CYP2R1: variants seen among roughly 807,000 people sequenced by gnomAD.
CYP2R1 encodes vitamin D 25-hydroxylase.
A neutral mutation model predicts 45.7 loss-of-function variants in CYP2R1; 40 were observed. That is an observed-to-expected ratio of 0.87 (90% CI 0.68 to 1.14). The LOEUF (loss-of-function observed/expected upper bound fraction) is 1.14. CYP2R1 is among the 50% of genes most tolerant of loss of function. The pLI is 0.00. For missense variants in CYP2R1, 605 were observed against 602.6 expected, an observed-to-expected ratio of 1.00 and a Z score of -0.04; for synonymous variants, 234 against 219.3, an observed-to-expected ratio of 1.07 and a Z score of -0.59.
rs782256827 is a variant in CYP2R1, at chr11:14,878,193, G to C, written c.1435C>G (p.Pro479Ala). 3 of 1,613,254 alleles carry C rather than the reference G, an allele frequency of 1.9e-6. No individual in the cohort carries two copies. The Admixed American group carries it at 5.0e-5, about 27-fold the overall frequency. The part of the protein sequence containing the change: ...FHLHFPHELV[P>A]DLKPRLGMTL... ...ATGCCTAACCTGGGCTTCAGATCTG[G>C]AACTAGTTCATGTGGAAAATGCAAA... The change falls in exon 5 of 5, where the codon CCA becomes GCA. Residue 479 changes from proline (P) to alanine (A), a missense_variant. Physicochemically the swap from Pro to Ala is conservative, Grantham distance 27. Transcript: ENST00000334636.
At chr11:14,889,844 A>G (rs1331961378) in intron 1 of CYP2R1, among the ~76,000 whole-genome samples, 1 of 152,136 alleles carries the variant, frequency 6.6e-6, no homozygotes, top group Non-Finnish European at 1.5e-5. Context: ...AACTAATAAC[A>G]TAGGCCGGGC....
In CYP2R1 at chr11:14,887,317, G is replaced by T. The variant is rs1459694490; in HGVS notation, c.226-1400C>A. On this transcript the variant is annotated intron_variant, in intron 1 of 4. Transcript: ENST00000334636. ...ACCAGGGATCATAAAAAGCAAGGAG[G>T]AGCCATGGCTTGAGAAAGTTGTTAC... 36 of 152,210 alleles carry T rather than the reference G, an allele frequency of 2.4e-4. 1 individual carries two copies. The allele number at this position is 152,210 out of a possible 1,614,324, so 9.4% of individuals were successfully genotyped here. A position where few individuals can be genotyped will look rare whatever the true frequency, so the allele number is the denominator to read the frequency against.
chr11:14,883,980 G>C (rs1269291220), intron 2 of CYP2R1, among the ~76,000 whole-genome samples: 2 of 152,030 alleles, frequency 1.3e-5, no homozygotes, highest in Admixed American at 6.5e-5. Context: ...ACCATAATGA[G>C]ATACCATCTC....
upstream of CYP2R1, among the ~76,000 whole-genome samples, chr11:14,892,404 G>C (rs782380208): frequency 2.0e-5 from 3 of 152,208 alleles, no homozygotes; most frequent in South Asian, 2.1e-4. Context: ...TTTGCGGAGC[G>C]GGTGGCCGGT....
intron 1 of CYP2R1, among the ~76,000 whole-genome samples, chr11:14,889,937 C>T (rs1365570485): frequency 6.6e-6 from 1 of 151,890 alleles, no homozygotes. Context: ...GACCATCCTG[C>T]CTAACCGAGT....
At chr11:14,890,539 T>C (rs1848801209) in intron 1 of CYP2R1, 1 of 268,670 alleles carries the variant, frequency 3.7e-6, no homozygotes, top group Non-Finnish European at 5.1e-6. Flanking sequence ...GACCAATTCT[T>C]TTTTTTTTTT....
At chr11:14,886,260 C>A (rs1170129707) in intron 1 of CYP2R1, 5 of 218,480 alleles carry the variant, frequency 2.3e-5, no homozygotes, top group Admixed American at 5.2e-5. Flanking sequence ...TTCAGTATTG[C>A]CATAGAAAAT....
chr11:14,880,375 T>C lies in CYP2R1; in HGVS notation c.761A>G (p.Tyr254Cys). Residue 254 changes from tyrosine (Y) to cysteine (C), a missense_variant, in exon 3 of 5, where the codon TAT becomes TGT. Transcript: ENST00000334636. ...TTCAATGAGTCTGGAGAGAAAATCA[T>C]AGACTACAGCTGCATTTCTAAACAG... ...QQLFRNAAVV[Y>C]DFLSRLIEKA... 2.5e-6 allele frequency: 4 copies of C among 1,613,390 alleles called. No homozygotes were observed. The highest frequency in any genetic ancestry group is 2.5e-6 in the Non-Finnish European group (3 of 1,179,636).
chr11:14,891,228 A>G (rs1555016747), intron 1 of CYP2R1: 3 of 985,112 alleles, frequency 3.0e-6, no homozygotes, highest in Non-Finnish European at 3.6e-6. Flanking sequence ...CAGAATGAGG[A>G]GGAGCGAAGT....
chr11:14,889,408 A>C (rs1555015855), intron 1 of CYP2R1, among the ~76,000 whole-genome samples: 1 of 152,222 alleles, frequency 6.6e-6, no homozygotes, highest in African/African-American at 2.4e-5. Flanking sequence ...ATACCAGGAT[A>C]AAGATCAAAT....
rs782688301 is a variant in CYP2R1, at chr11:14,880,640, T to G, written c.496A>C (p.Asn166His). 7 of 1,598,444 alleles carry G rather than the reference T, an allele frequency of 4.4e-6. No homozygotes were observed. The highest frequency in any genetic ancestry group is 1.1e-5 in the South Asian group (1 of 87,992). Reference sequence around the variant, plus strand: ...CCTTTGTATGTTTCAATAGCATCATTGAAAAATTTGGTTTCTTCCAAGATT... The same window carrying G: ...CCTTTGTATGTTTCAATAGCATCATGGAAAAATTTGGTTTCTTCCAAGATT... Reference protein sequence around the residue: ...SKILEETKFFNDAIETYKGRP... With the variant: ...SKILEETKFFHDAIETYKGRP... The change falls in exon 3 of 5, where the codon AAT (asparagine) becomes CAT (histidine). Residue 166 changes from asparagine (N) to histidine (H), a missense_variant. By Grantham distance (68) the Asn-to-His change is moderately conservative. Coordinates refer to ENST00000334636, the MANE Select transcript of CYP2R1 (RefSeq NM_024514.5).
intron 1 of CYP2R1, chr11:14,886,154 TGAAAAGGGTACTG>T: frequency 1.9e-6 from 1 of 527,126 alleles, no homozygotes. Flanking sequence ...AACAGTATAA[TGAAAAGGGTACTG>T]GACTCGGGAG....
At chr11:14,880,052 T>C in intron 3 of CYP2R1, 84 bp downstream of exon 3, 3 of 1,399,344 alleles carry the variant, frequency 2.1e-6, no homozygotes, top group South Asian at 1.3e-5. Flanking sequence ...CTAAAGAAAA[T>C]GTATTGTGCA....
intron 3 of CYP2R1, 145 bp from the exon 4 acceptor site, chr11:14,879,588 C>T (rs886151512): frequency 1.1e-5 from 7 of 625,698 alleles, no homozygotes; most frequent in Admixed American, 2.8e-5. Flanking sequence ...ATTATCTGGG[C>T]GTTCTATTGA....
intron 1 of CYP2R1, 49 bp downstream of exon 1, chr11:14,891,932 C>A: frequency 1.3e-6 from 2 of 1,592,992 alleles, no homozygotes; most frequent in Non-Finnish European, 1.7e-6. Context: ...CCTGGCCAGC[C>A]CGGGCCAGCC....
chr11:14,884,012 A>G (rs1590221617), intron 2 of CYP2R1, among the ~76,000 whole-genome samples: 1 of 152,078 alleles, frequency 6.6e-6, no homozygotes, highest in Non-Finnish European at 1.5e-5. Flanking sequence ...AATGGCAATC[A>G]TTAAAAAGTC....
At chr11:14,879,093 G>A (rs373958515) in intron 4 of CYP2R1, 21 bp downstream of exon 4, 36 of 1,569,422 alleles carry the variant, frequency 2.3e-5, no homozygotes, top group African/African-American at 2.7e-5. Flanking sequence ...CTAAAGTTAC[G>A]CCCCGTGAAA....
chr11:14,883,949 A>G (rs1362873222), intron 2 of CYP2R1, among the ~76,000 whole-genome samples: 1 of 152,080 alleles, frequency 6.6e-6, no homozygotes, highest in Non-Finnish European at 1.5e-5. Flanking sequence ...ATCACTGGCC[A>G]TCAGAGAAAT....
At chr11:14,883,375 T>C (rs1474778060) in intron 2 of CYP2R1, among the ~76,000 whole-genome samples, 13 of 152,154 alleles carry the variant, frequency 8.5e-5, no homozygotes, top group South Asian at 8.3e-4. Context: ...TCAGAAATAA[T>C]GCCGCATATC....
Sources: allele counts gnomAD v4.1 joint callset (sites outside exome capture counted in the v4.1 genomes callset), GRCh38; gene constraint gnomAD v4.1.1; transcripts MANE v1.5; gene names NCBI Gene and HGNC (gene_info 2026-07-23, HGNC 2026-07-21).